TECTA: variants seen among roughly 807,000 people sequenced by gnomAD.
TECTA encodes the protein alpha-tectorin.
TECTA carries 128 observed loss-of-function variants against 216.8 expected under a neutral mutation model. That is an observed-to-expected ratio of 0.59 (90% confidence interval 0.51 to 0.68). The LOEUF is 0.68. Ranked by LOEUF, TECTA falls within the 30% of genes least tolerant of loss-of-function variation. The pLI, the probability that TECTA is intolerant of heterozygous loss-of-function variation, is 0.00. For synonymous variants in TECTA, 1,089 were observed against 1,117.1 expected (o/e 0.97, Z 0.50); for missense variants, 2,551 against 2,786.2 (o/e 0.92, Z 1.90).
At chr11:121,148,826 A>G (rs1451372105) in intron 12 of TECTA, among the ~76,000 whole-genome samples, 3 of 152,220 alleles carry the variant, frequency 2.0e-5, no homozygotes, top group African/African-American at 7.2e-5. Context: ...TCGTTGGAAA[A>G]TCTTGTAACC....
rs370572640 is a variant in TECTA at position 121,157,233 on chromosome 11, T to G, written c.4306-608T>G. ...ATATTCTTCCTCTTTACCTAGTTCC[T>G]CTAACAGCTGCACATTCAGGTTGAC... On this transcript the variant is annotated intron_variant, in intron 13 of 23. Coordinates refer to ENST00000392793, the MANE Select transcript of TECTA (RefSeq NM_005422.4). Among the ~76,000 whole-genome samples the G allele has an allele frequency of 2.6e-5, 4 of 152,320 alleles. 1 individual carries two copies. In the East Asian group the frequency reaches 5.8e-4, roughly 22 times the overall value.
chr11:121,118,629 G>A lies in TECTA; in HGVS notation c.1114G>A (p.Gly372Ser). 6.2e-7 allele frequency: 1 copy of A among 1,614,132 alleles called. No homozygotes were observed. The highest frequency in any genetic ancestry group is 8.5e-7 in the Non-Finnish European group (1 of 1,180,022). Residue 372 changes from glycine (G) to serine (S), a missense_variant, in exon 7 of 24, where the codon GGT becomes AGT. Physicochemically the swap from Gly to Ser is moderately conservative, Grantham distance 56. This residue lies in a region of TECTA where 2,375 missense variants were observed against 2,563.9 expected (regional missense o/e 0.93). Transcript: ENST00000392793. ...GGAGGCCAAGAATGAACACCGCAGA[G>A]GTTCAGCCGTCTCCTGGGTGAAGGA... The part of the protein sequence containing the change: ...SVEAKNEHRR[G>S]SAVSWVKELS...
At position 121,108,584 on chromosome 11, in the gene TECTA, GTA is replaced by G. The variant is rs1946412798; in HGVS notation, c.199-624_199-623del. On this transcript the variant is annotated intron_variant, in intron 3 of 23. Transcript: ENST00000392793. ...AGTACACACACACACACACATCCCA[GTA>G]TACACACACACCACATCCCCCGTAT... Among the ~76,000 whole-genome samples, 2 of 130,496 alleles carry G rather than the reference GTA, an allele frequency of 1.5e-5. 1 individual carries two copies. Among genetic ancestry groups the G allele is most frequent in the South Asian group, 4.9e-4 (2 of 4,096 alleles). 85.6% of individuals were successfully genotyped at this position (130,496 alleles called of 152,430 possible).
chr11:121,142,879 C>T (rs1946798264), intron 11 of TECTA, among the ~76,000 whole-genome samples: 1 of 152,154 alleles, frequency 6.6e-6, no homozygotes, highest in Admixed American at 6.5e-5. Flanking sequence ...TCTGTCATCT[C>T]CTCTCCCTTC....
intron 20 of TECTA, among the ~76,000 whole-genome samples, chr11:121,173,154 G>C (rs918966220): frequency 1.3e-5 from 2 of 152,092 alleles, no homozygotes; most frequent in African/African-American, 4.8e-5. Flanking sequence ...GTTCACTCTG[G>C]TGGTAGTTTC....
rs2134215591 is a variant in TECTA, at chr11:121,187,887, AC to A, written c.6057del (p.Cys2020ValfsTer11). ...IGIEENAVSL[T>X]CRFHVTVFKF... ...CATCGAGGAGAATGCAGTCTCCCTG[AC>A]CTGTCGCTTTCACGTCACCGTCTTT... is the stretch of plus-strand genomic sequence containing the variant. On this transcript the variant is annotated frameshift_variant, in exon 21 of 24. Transcript: ENST00000392793. LOFTEE classifies it high-confidence loss of function. 1.2e-6 allele frequency: 2 copies of A among 1,614,248 alleles called. No individual in the cohort carries two copies. Among genetic ancestry groups the A allele is most frequent in the Non-Finnish European group, 1.7e-6 (2 of 1,180,046 alleles).
At chr11:121,181,240 T>C (rs1420357604) in intron 20 of TECTA, among the ~76,000 whole-genome samples, 2 of 152,210 alleles carry the variant, frequency 1.3e-5, no homozygotes, top group African/African-American at 4.8e-5. Context: ...TTTCATTCAT[T>C]GAATTCTTCA....
intron 12 of TECTA, among the ~76,000 whole-genome samples, chr11:121,151,693 G>GT (rs1384277445): frequency 8.9e-6 from 1 of 112,994 alleles, no homozygotes; most frequent in African/African-American, 6.4e-5. Flanking sequence ...AACTACAAAT[G>GT]TTTTTTAAAA....
At chr11:121,139,633 T>G (rs1197211370) in intron 11 of TECTA, among the ~76,000 whole-genome samples, 1 of 150,512 alleles carries the variant, frequency 6.6e-6, no homozygotes, top group Admixed American at 6.6e-5. Context: ...GAGATTGCAG[T>G]GAGGCAAGAT....
rs138438027 is a variant in TECTA at position 121,113,608 on chromosome 11, C to G, written c.680C>G (p.Thr227Ser). ...TNFFSLPGSR[T>S]PEIVNIQETT... ...TTCTTCAGCCTCCCGGGGTCAAGAA[C>G]CCCCGAGATCGTGAATATCCAGGAG... Residue 227 changes from threonine (T) to serine (S), a missense_variant, in exon 6 of 24, where the codon ACC becomes AGC. Transcript: ENST00000392793. The surrounding 1 kb of genome is among the most constrained non-coding windows in gnomAD (Gnocchi z 4.2). The G allele has an allele frequency of 6.2e-7, 1 of 1,613,986 alleles. No homozygotes were observed. Among genetic ancestry groups the G allele is most frequent in the South Asian group, 1.1e-5 (1 of 91,058 alleles).
At chr11:121,162,573 C>T (rs2135126009) in intron 16 of TECTA, among the ~76,000 whole-genome samples, 1 of 152,308 alleles carries the variant, frequency 6.6e-6, no homozygotes, top group African/African-American at 2.4e-5. Flanking sequence ...ACCTACGGCT[C>T]CTGTCCAGTT....
chr11:121,113,423 G>T lies in TECTA; in HGVS notation c.625-130G>T. 6.9e-7 allele frequency: 1 copy of T among 1,453,044 alleles called. No individual in the cohort carries two copies. The highest frequency in any genetic ancestry group is 2.3e-5 in the East Asian group (1 of 44,040). 90.0% of individuals were successfully genotyped at this position (1,453,044 alleles called of 1,614,324 possible). A position where few individuals can be genotyped will look rare whatever the true frequency, so the allele number is the denominator to read the frequency against. On this transcript the variant is annotated intron_variant, in intron 5 of 23. Transcript: ENST00000392793. This position sits in a 1 kb window ranked among gnomAD's most constrained non-coding sequence, Gnocchi z 4.2. ...CAGTCCTTTCTCACCTAGAATGCTG[G>T]CCCCAGTGACTCCAGGAAAAGACGG...
Position 121,159,991 on chromosome 11 carries a change from T to A in TECTA, c.4690-144T>A. 3 of 864,250 alleles carry A rather than the reference T, an allele frequency of 3.5e-6. No homozygotes were observed. The South Asian group carries it at 4.6e-5, about 13-fold the overall frequency. The allele number at this position is 864,250 out of a possible 1,614,324, so 53.5% of individuals were successfully genotyped here. ...AGTTGTATATTGTCTATGCCTGCTG[T>A]CATGCTGCAGGGACAGAATGGAGTC... On this transcript the variant is annotated intron_variant, in intron 14 of 23. Coordinates refer to ENST00000392793, the MANE Select transcript of TECTA (RefSeq NM_005422.4).
At position 121,167,374 on chromosome 11, in the gene TECTA, G is replaced by A. The variant is rs191112372; in HGVS notation, c.5586+594G>A. Among the ~76,000 whole-genome samples, 197 of 152,328 alleles carry A rather than the reference G, an allele frequency of 1.3e-3. 1 individual carries two copies. The highest frequency in any genetic ancestry group is 4.7e-3 in the African/African-American group (194 of 41,566). ...ATAAGCCCAGGAGTTCAAGGCTGCA[G>A]TGAGCTATGAATGTACCACGGCACT... On this transcript the variant is annotated intron_variant, in intron 18 of 23. Transcript: ENST00000392793.
At position 121,130,212 on chromosome 11, in the gene TECTA, G is replaced by T. The variant is rs966621865; in HGVS notation, c.2941+1G>T. On this transcript the variant is annotated splice_donor_variant, in intron 10 of 23. Transcript: ENST00000392793. LOFTEE classifies it high-confidence loss of function. ...CCCTGGCGGACCTATGACTTCTGCC[G>T]TAAGTTGGGGTTGGATTCTGGGAGA... 3.1e-6 allele frequency: 5 copies of T among 1,599,716 alleles called. No homozygotes were observed. Among genetic ancestry groups the T allele is most frequent in the African/African-American group, 1.3e-5 (1 of 74,896 alleles).
At chr11:121,173,154 G>A (rs918966220) in intron 20 of TECTA, among the ~76,000 whole-genome samples, 3 of 152,092 alleles carry the variant, frequency 2.0e-5, no homozygotes, top group Admixed American at 6.6e-5. Context: ...GTTCACTCTG[G>A]TGGTAGTTTC....
rs772869881 is a variant in TECTA at position 121,137,927 on chromosome 11, C to T, written c.3448C>T (p.Arg1150Trp). Residue 1150 changes from arginine (R) to tryptophan (W), a missense_variant, in exon 11 of 24, where the codon CGG becomes TGG. Physicochemically the swap from Arg to Trp is moderately radical, Grantham distance 101 (BLOSUM62 -3). Coordinates refer to ENST00000392793, the MANE Select transcript of TECTA (RefSeq NM_005422.4). ...TGTTGTCACAGCCAAGAATGAGGAC[C>T]GGGACCCGTCACTGGCCTTGTGGGT... ...KFVVTAKNEDRDPSLALWVKQ... is the reference protein window; with the variant it reads ...KFVVTAKNEDWDPSLALWVKQ... 6.2e-6 allele frequency: 10 copies of T among 1,607,580 alleles called. No homozygotes were observed. Among genetic ancestry groups the T allele is most frequent in the South Asian group, 2.2e-5 (2 of 90,746 alleles).
At chr11:121,148,882 C>G (rs1403301118) in intron 12 of TECTA, among the ~76,000 whole-genome samples, 1 of 152,214 alleles carries the variant, frequency 6.6e-6, no homozygotes, top group East Asian at 1.9e-4. Context: ...GTTAAATTGT[C>G]TTAATTACTA....
chr11:121,183,860 T>C (rs759298171), intron 20 of TECTA, among the ~76,000 whole-genome samples: 11 of 152,230 alleles, frequency 7.2e-5, no homozygotes, highest in Non-Finnish European at 1.3e-4. Flanking sequence ...TGATAATGGC[T>C]CAATGCAGTC....
Sources: gnomAD v4.1 joint callset for allele counts (sites outside exome capture counted in the v4.1 genomes callset) on GRCh38, gnomAD v4.1.1 for gene constraint, gnomAD v4.1.1 regional missense constraint, Gnocchi (gnomAD v3.1) non-coding constraint, MANE v1.5 for transcripts, NCBI Gene and HGNC (gene_info 2026-07-23, HGNC 2026-07-21) for gene names.